The following TIMP3 variants were observed in gnomAD, a reference collection of about 807,000 sequenced individuals.
TIMP3 encodes the protein metalloproteinase inhibitor 3.
Under a neutral mutation model 30.0 loss-of-function variants are expected in TIMP3, and 11 were observed. The observed-to-expected ratio is 0.37, with a 90% confidence interval of 0.23 to 0.61. The LOEUF is 0.61. TIMP3 is among the 20% of genes least tolerant of loss of function. The pLI, the probability that TIMP3 is intolerant of heterozygous loss-of-function variation, is 0.70. For missense variants in TIMP3, 181 were observed against 276.8 expected (o/e 0.65, Z 2.45); for synonymous variants, 112 against 111.3 (o/e 1.01, Z -0.04).
At chr22:32,856,646 A>T (rs2048376027) in intron 2 of TIMP3, among the ~76,000 whole-genome samples, 1 of 152,224 alleles carries the variant, frequency 6.6e-6, no homozygotes, top group Non-Finnish European at 1.5e-5. Flanking sequence ...TTAAACATTT[A>T]TCGTTTCTTC....
intron 1 of TIMP3, among the ~76,000 whole-genome samples, chr22:32,834,323 ATTT>A (rs5845042): frequency 7.0e-6 from 1 of 143,414 alleles, no homozygotes; most frequent in Non-Finnish European, 1.6e-5. Context: ...TGGCTAATTT[ATTT>A]TTTTTTTTGT....
At chr22:32,857,538 G>A (rs62234165) in intron 3 of TIMP3, among the ~76,000 whole-genome samples, 178 bp downstream of exon 3, 17 of 152,280 alleles carry the variant, frequency 1.1e-4, no homozygotes, top group Non-Finnish European at 1.8e-4. Context: ...CTACACTTAG[G>A]CTGGACTTTG....
At chr22:32,832,925 G>T (rs1199649728) in intron 1 of TIMP3, among the ~76,000 whole-genome samples, 2 of 151,992 alleles carry the variant, frequency 1.3e-5, no homozygotes, top group African/African-American at 2.4e-5. Flanking sequence ...TAGAGACAGG[G>T]TTTTACCTTG....
At chr22:32,807,225 C>T (rs780900120) in intron 1 of TIMP3, among the ~76,000 whole-genome samples, 3 of 146,074 alleles carry the variant, frequency 2.1e-5, no homozygotes, top group Non-Finnish European at 3.0e-5. Flanking sequence ...TCTCTATTAA[C>T]TTTACTTCTC....
rs541820609 is a variant in TIMP3, at chr22:32,811,491, G to A, written c.121+9369G>A. Among the ~76,000 whole-genome samples the A allele has an allele frequency of 5.6e-4, 86 of 152,254 alleles. 1 individual carries two copies. Among genetic ancestry groups the A allele is most frequent in the African/African-American group, 2.0e-3 (84 of 41,546 alleles). Reference sequence around the variant, plus strand: ...TTTCCAGGGTCATATAGAGAGAGCTGAGTTTCAATTCAAAATCGTGGTTTG... The same window carrying A: ...TTTCCAGGGTCATATAGAGAGAGCTAAGTTTCAATTCAAAATCGTGGTTTG... On this transcript the variant is annotated intron_variant, in intron 1 of 4. Coordinates refer to ENST00000266085, the MANE Select transcript of TIMP3 (RefSeq NM_000362.5).
intron 1 of TIMP3, among the ~76,000 whole-genome samples, chr22:32,823,767 G>A (rs530157048): frequency 6.6e-6 from 1 of 152,154 alleles, no homozygotes; most frequent in African/African-American, 2.4e-5. Context: ...GACGTGGGGT[G>A]CAGTCAGAAT....
chr22:32,820,997 AG>A (rs1299763580), intron 1 of TIMP3, among the ~76,000 whole-genome samples: 1 of 152,132 alleles, frequency 6.6e-6, no homozygotes, highest in African/African-American at 2.4e-5. Flanking sequence ...CGAGAAACCC[AG>A]GTGGCTTCAT....
At chr22:32,813,407 G>A (rs1289751561) in intron 1 of TIMP3, among the ~76,000 whole-genome samples, 3 of 151,916 alleles carry the variant, frequency 2.0e-5, no homozygotes, top group Non-Finnish European at 4.4e-5. Context: ...ATCAGGATGT[G>A]AGTCTAGTGA....
intron 1 of TIMP3, chr22:32,833,712 C>T (rs377186348): frequency 3.0e-5 from 14 of 471,520 alleles, no homozygotes; most frequent in South Asian, 7.6e-5. Flanking sequence ...CCACCACTTC[C>T]GCATTAGATG....
Position 32,801,820 on chromosome 22 carries a change from G to T in TIMP3, c.-182G>T. On this transcript the variant is annotated 5_prime_UTR_variant, in exon 1 of 5. It adds an upstream start codon to the 5' untranslated region. Transcript: ENST00000266085. This position sits in a 1 kb window ranked among gnomAD's most constrained non-coding sequence, Gnocchi z 4.7. The stretch of plus-strand genomic sequence containing the variant: ...CCGCCGAGTCCTGCGCCAGCGCCGA[G>T]GCAGCCTCGCTGCGCCCCATCCCGT... The T allele has an allele frequency of 1.5e-6, 1 of 645,644 alleles. No individual in the cohort carries two copies. Among genetic ancestry groups the T allele is most frequent in the Non-Finnish European group, 2.1e-6 (1 of 478,342 alleles). 40.0% of individuals were successfully genotyped at this position (645,644 alleles called of 1,614,324 possible). A position where few individuals can be genotyped will look rare whatever the true frequency, so the allele number is the denominator to read the frequency against.
chr22:32,806,862 CT>C (rs1322878346), intron 1 of TIMP3, among the ~76,000 whole-genome samples: 12 of 152,032 alleles, frequency 7.9e-5, no homozygotes, highest in African/African-American at 2.7e-4. Flanking sequence ...ACTCTAGTCC[CT>C]TCTCCAAATC....
rs192250242 is a variant in TIMP3, at chr22:32,861,649, G to A, written c.*2272G>A. The A allele has an allele frequency of 9.8e-5, 15 of 152,736 alleles. No individual in the cohort carries two copies. The highest frequency in any genetic ancestry group is 2.6e-4 in the Admixed American group (4 of 15,312). 9.5% of individuals were successfully genotyped at this position (152,736 alleles called of 1,614,324 possible). A position where few individuals can be genotyped will look rare whatever the true frequency, so the allele number is the denominator to read the frequency against. On this transcript the variant is annotated 3_prime_UTR_variant, in exon 5 of 5. Transcript: ENST00000266085. ...TGTGAGGCACCTGAAGTTTCCCTGC[G>A]GAGTCGATAAATTAGCAGAACCACA...
At chr22:32,851,498 G>T (rs914062285) in intron 2 of TIMP3, among the ~76,000 whole-genome samples, 1 of 152,128 alleles carries the variant, frequency 6.6e-6, no homozygotes, top group African/African-American at 2.4e-5. Flanking sequence ...TCCCAGGCTG[G>T]TGGGCTTAGA....
At chr22:32,840,932 G>A (rs569879543) in intron 1 of TIMP3, among the ~76,000 whole-genome samples, 3 of 152,060 alleles carry the variant, frequency 2.0e-5, no homozygotes, top group Non-Finnish European at 4.4e-5. Flanking sequence ...CCCTGTATAC[G>A]TCTTCACAAT....
chr22:32,815,894 TTCTGTGG>T (rs2047077241), intron 1 of TIMP3, among the ~76,000 whole-genome samples: 1 of 152,188 alleles, frequency 6.6e-6, no homozygotes, highest in Admixed American at 6.5e-5. Context: ...GGTGTGTCTG[TTCTGTGG>T]TCTGTGGTCT....
rs539250324 is a variant in TIMP3, at chr22:32,812,520, T to C, written c.121+10398T>C. ...TGATTGTGGGAGGGCTTGGTAAAAA[T>C]TGAACCTCATTAACACCACTGAAGA... On this transcript the variant is annotated intron_variant, in intron 1 of 4. Transcript: ENST00000266085. Among the ~76,000 whole-genome samples, 53 of 152,202 alleles carry C rather than the reference T, an allele frequency of 3.5e-4. No homozygotes were observed. In the South Asian group the frequency reaches 9.5e-3, roughly 27 times the overall value.
rs2048568430 is a variant in TIMP3 at position 32,862,324 on chromosome 22, C to G, written c.*2947C>G. On this transcript the variant is annotated 3_prime_UTR_variant, in exon 5 of 5. Coordinates refer to ENST00000266085, the MANE Select transcript of TIMP3 (RefSeq NM_000362.5). ...CATGCTCAGGCTCTCAGCTCTCGGGCCAGTGCTCTGCTCTGTCCAGGGTAG... is the reference window on the plus strand; with the variant it reads ...CATGCTCAGGCTCTCAGCTCTCGGGGCAGTGCTCTGCTCTGTCCAGGGTAG... The G allele has an allele frequency of 6.6e-6, 1 of 152,276 alleles. No individual in the cohort carries two copies. Among genetic ancestry groups the G allele is most frequent in the South Asian group, 2.1e-4 (1 of 4,830 alleles). The allele number at this position is 152,276 out of a possible 1,614,324, so 9.4% of individuals were successfully genotyped here. A position where few individuals can be genotyped will look rare whatever the true frequency, so the allele number is the denominator to read the frequency against.
chr22:32,831,149 G>A lies in TIMP3; in HGVS notation c.122-18303G>A, dbSNP rs185456460. ...ATCAAGGTGGCAGCGTGACCCTTAT[G>A]CCTCAAGCATGTCCTTCAGGAGGGT... On this transcript the variant is annotated intron_variant, in intron 1 of 4. Transcript: ENST00000266085. Among the ~76,000 whole-genome samples, 26 of 152,270 alleles carry A rather than the reference G, an allele frequency of 1.7e-4. No homozygotes were observed. In the East Asian group the frequency reaches 3.7e-3, roughly 22 times the overall value.
Position 32,825,657 on chromosome 22 carries a change from C to CAAAAAA in TIMP3, c.121+23570_121+23575dup, listed in dbSNP as rs130292. 2.1e-4 allele frequency among the ~76,000 whole-genome samples: 6 copies of CAAAAAA among 28,594 alleles called. 1 individual carries two copies. Among genetic ancestry groups the CAAAAAA allele is most frequent in the African/African-American group, 3.9e-4 (3 of 7,776 alleles). 18.8% of individuals were successfully genotyped at this position (28,594 alleles called of 152,430 possible). ...TGGGCGACAGAGCGAGTTTCCATCT[C>CAAAAAA]AAAAAAAAAAAAAAAAAAAAAAAAA... On this transcript the variant is annotated intron_variant, in intron 1 of 4. Transcript: ENST00000266085.
Sources: allele counts gnomAD v4.1 joint callset (sites outside exome capture counted in the v4.1 genomes callset), GRCh38; gene constraint gnomAD v4.1.1; non-coding constraint Gnocchi (gnomAD v3.1); transcripts MANE v1.5; gene names NCBI Gene and HGNC (gene_info 2026-07-23, HGNC 2026-07-21).